LONP2: variants seen among roughly 807,000 people sequenced by gnomAD.
LONP2 encodes the protein lon peptidase 2, peroxisomal.
LONP2 carries 60 observed loss-of-function variants against 85.6 expected under a neutral mutation model. The observed-to-expected ratio is 0.70, with a 90% CI of 0.57 to 0.87. The LOEUF (loss-of-function observed/expected upper bound fraction) is 0.87, where lower values mean the gene tolerates loss of function less well. LONP2 is among the 40% of genes least tolerant of loss of function. The pLI is 0.00. For missense variants in LONP2, 860 were observed against 1,063.5 expected (o/e 0.81, Z 2.66); for synonymous variants, 395 against 389.7 (o/e 1.01, Z -0.16).
intron 14 of LONP2, among the ~76,000 whole-genome samples, chr16:48,350,007 C>T (rs890587501): frequency 6.6e-6 from 1 of 152,154 alleles, no homozygotes; most frequent in Admixed American, 6.5e-5. Flanking sequence ...AATCCCAGCA[C>T]TTTGGGAGGC....
At chr16:48,328,238 C>T (rs577940861) in intron 11 of LONP2, among the ~76,000 whole-genome samples, 2 of 152,208 alleles carry the variant, frequency 1.3e-5, no homozygotes, top group African/African-American at 2.4e-5. Context: ...AGTGAAACCC[C>T]GTCTCTACTA....
rs3138605 is a variant in LONP2, at chr16:48,298,626, GGTGTGTGTGTGTGTGT to G, written c.1535-1007_1535-992del. Among the ~76,000 whole-genome samples the G allele has an allele frequency of 7.4e-3, 996 of 134,394 alleles. 11 individuals carry two copies. Among genetic ancestry groups the G allele is most frequent in the African/African-American group, 0.022 (794 of 36,290 alleles). 88.2% of individuals were successfully genotyped at this position (134,394 alleles called of 152,430 possible). A position where few individuals can be genotyped will look rare whatever the true frequency, so the allele number is the denominator to read the frequency against. On this transcript the variant is annotated intron_variant, in intron 9 of 14. Coordinates refer to ENST00000285737, the MANE Select transcript of LONP2 (RefSeq NM_031490.5). ...TGGAACCCACTGCTTATTTAATTGA[GGTGTGTGTGTGTGTGT>G]GTGTGTGTGTGTGTGTGTGTGTGTG...
At position 48,352,233 on chromosome 16, in the gene LONP2, C is replaced by G. The variant is rs1960173429; in HGVS notation, c.*431C>G. On this transcript the variant is annotated 3_prime_UTR_variant, in exon 15 of 15. Coordinates refer to ENST00000285737, the MANE Select transcript of LONP2 (RefSeq NM_031490.5). ...GCTGCACACTCAAGTTCAGGAACCA[C>G]CGGTATAGACCATTACCTTAGTGGA... is the stretch of plus-strand genomic sequence containing the variant. 1 of 176,996 alleles carries G rather than the reference C, an allele frequency of 5.6e-6. No homozygotes were observed. Among genetic ancestry groups the G allele is most frequent in the Admixed American group, 5.4e-5 (1 of 18,432 alleles). 11.0% of individuals were successfully genotyped at this position (176,996 alleles called of 1,614,324 possible).
Position 48,261,539 on chromosome 16 carries a change from C to T in LONP2, c.839C>T (p.Ser280Phe). The change falls in exon 5 of 15, where the codon TCT becomes TTT. Residue 280 changes from serine to phenylalanine, a missense_variant. Coordinates refer to ENST00000285737, the MANE Select transcript of LONP2 (RefSeq NM_031490.5). ...IVMLEKKIRT[S>F]SMPEQAHKVC... ...ATGCTAGAGAAAAAAATACGAACAT[C>T]TAGTATGCCAGAGCAGGCCCATAAA... The T allele has an allele frequency of 6.2e-7, 1 of 1,605,974 alleles. No individual in the cohort carries two copies. Among genetic ancestry groups the T allele is most frequent in the Non-Finnish European group, 8.5e-7 (1 of 1,176,674 alleles).
chr16:48,356,900 C>A lies in LONP2; in HGVS notation c.*5098C>A, dbSNP rs1419435405. ...CTCATCCTGACATGACAGTGCAAGC[C>A]TGTCAAAATGTGACCCCAAAACCAG... On this transcript the variant is annotated 3_prime_UTR_variant, in exon 15 of 15. Transcript: ENST00000285737. 9.5e-5 allele frequency: 15 copies of A among 157,494 alleles called. 1 individual carries two copies. Among genetic ancestry groups the A allele is most frequent in the Non-Finnish European group, 9.9e-5 (7 of 70,990 alleles). The allele number at this position is 157,494 out of a possible 1,614,324, so 9.8% of individuals were successfully genotyped here.
Position 48,319,342 on chromosome 16 carries a change from A to T in LONP2, c.1796-14874A>T, listed in dbSNP as rs115310086. 3.9e-3 allele frequency among the ~76,000 whole-genome samples: 600 copies of T among 152,104 alleles called. 7 individuals carry two copies. The highest frequency in any genetic ancestry group is 0.01 in the African/African-American group (435 of 41,496). On this transcript the variant is annotated intron_variant, in intron 11 of 14. Transcript: ENST00000285737. ...GTCGCAGTGAGCCAAAAATCAAGCC[A>T]CTGCACTCTAGCCTGGATGACAGAG...
intron 12 of LONP2, 53 bp downstream of exon 12, chr16:48,334,411 A>G (rs1342069655): frequency 3.1e-6 from 5 of 1,610,074 alleles, no homozygotes; most frequent in Non-Finnish European, 4.2e-6. Flanking sequence ...GGAACACTTT[A>G]TTGAGGCCCC....
intron 5 of LONP2, among the ~76,000 whole-genome samples, chr16:48,262,313 C>T (rs1971895148): frequency 6.6e-6 from 1 of 152,172 alleles, no homozygotes; most frequent in Admixed American, 6.5e-5. Context: ...TAGTTAGGCA[C>T]TTACATCTTA....
chr16:48,301,649 A>T (rs1972807915), intron 10 of LONP2, among the ~76,000 whole-genome samples: 1 of 152,030 alleles, frequency 6.6e-6, no homozygotes, highest in African/African-American at 2.4e-5. Context: ...AAAAAAAAAT[A>T]GAGATGGGGT....
intron 12 of LONP2, among the ~76,000 whole-genome samples, chr16:48,341,942 G>T (rs16946113): frequency 6.6e-6 from 1 of 152,146 alleles, no homozygotes; most frequent in African/African-American, 2.4e-5. Flanking sequence ...GTCACTGGCT[G>T]TGCCCTTTCA....
rs113667188 is a variant in LONP2 at position 48,315,398 on chromosome 16, C to T, written c.1795+12093C>T. 6.7e-3 allele frequency among the ~76,000 whole-genome samples: 1,025 copies of T among 152,272 alleles called. 13 individuals are homozygous for T. The highest frequency in any genetic ancestry group is 0.023 in the African/African-American group (975 of 41,554). On this transcript the variant is annotated intron_variant, in intron 11 of 14. Transcript: ENST00000285737. The stretch of plus-strand genomic sequence containing the variant: ...AGCAGAAATGTATTGGTTCACAGTT[C>T]TGGAGGCTGAAGAGTCCAATGTCAA...
At chr16:48,327,790 A>T (rs919082609) in intron 11 of LONP2, among the ~76,000 whole-genome samples, 3 of 152,230 alleles carry the variant, frequency 2.0e-5, no homozygotes, top group African/African-American at 7.2e-5. Flanking sequence ...ATGCTTCAAA[A>T]TAGTTTGTAA....
At chr16:48,293,587 CAGT>C (rs1404032804) in intron 8 of LONP2, among the ~76,000 whole-genome samples, 1 of 151,952 alleles carries the variant, frequency 6.6e-6, no homozygotes, top group African/African-American at 2.4e-5. Flanking sequence ...AATGGGGAAT[CAGT>C]AGAGGGAAAC....
intron 8 of LONP2, among the ~76,000 whole-genome samples, chr16:48,279,569 T>C (rs1326890813): frequency 1.3e-5 from 2 of 152,078 alleles, no homozygotes; most frequent in Non-Finnish European, 2.9e-5. Context: ...GCATAGTATA[T>C]GTTCTTATCA....
rs774353294 is a variant in LONP2 at position 48,355,074 on chromosome 16, C to G, written c.*3272C>G. On this transcript the variant is annotated 3_prime_UTR_variant, in exon 15 of 15. Transcript: ENST00000285737. ...CCACTCATCTGCTGATTGTTTCCCC[C>G]TCTTGGGTATTATGAGTAATGCTAT... 1.3e-5 allele frequency: 2 copies of G among 152,152 alleles called. No homozygotes were observed. The highest frequency in any genetic ancestry group is 2.4e-5 in the African/African-American group (1 of 41,434). 9.4% of individuals were successfully genotyped at this position (152,152 alleles called of 1,614,324 possible). A position where few individuals can be genotyped will look rare whatever the true frequency, so the allele number is the denominator to read the frequency against.
intron 7 of LONP2, among the ~76,000 whole-genome samples, chr16:48,271,701 G>T (rs1972109238): frequency 6.6e-6 from 1 of 152,064 alleles, no homozygotes; most frequent in Admixed American, 6.5e-5. Flanking sequence ...GGGCAACTTG[G>T]TGACACCCCA....
At chr16:48,285,617 C>G (rs758675936) in intron 8 of LONP2, among the ~76,000 whole-genome samples, 17 of 152,028 alleles carry the variant, frequency 1.1e-4, no homozygotes, top group Non-Finnish European at 1.8e-4. Flanking sequence ...CTGAAATTGT[C>G]ATTCAGCCCC....
At position 48,310,725 on chromosome 16, in the gene LONP2, A is replaced by C. The variant is rs2151007277; in HGVS notation, c.1795+7420A>C. Among the ~76,000 whole-genome samples, 3 of 151,474 alleles carry C rather than the reference A, an allele frequency of 2.0e-5. No individual in the cohort carries two copies. The Middle Eastern group carries it at 0.01, about 519-fold the overall frequency. ...TGGAGTTCTGTCATGTTGCCCTTTT[A>C]TTTCTTTCTTTTCCTTATTTGTATA... On this transcript the variant is annotated intron_variant, in intron 11 of 14. Transcript: ENST00000285737.
In LONP2 at chr16:48,246,030, C is replaced by T. The variant is rs559077603; in HGVS notation, c.233+1409C>T. Reference sequence around the variant, plus strand: ...GGAGGGTTGGACATGTCTTATTTTTCCTCAAAATCTTGTGACTATGTACAT... The same window carrying T: ...GGAGGGTTGGACATGTCTTATTTTTTCTCAAAATCTTGTGACTATGTACAT... On this transcript the variant is annotated intron_variant, in intron 1 of 14. Coordinates refer to ENST00000285737, the MANE Select transcript of LONP2 (RefSeq NM_031490.5). Among the ~76,000 whole-genome samples the T allele has an allele frequency of 5.3e-5, 8 of 152,206 alleles. No individual in the cohort carries two copies. The South Asian group carries it at 1.7e-3, about 32-fold the overall frequency.
Sources: gnomAD v4.1 joint callset for allele counts (sites outside exome capture counted in the v4.1 genomes callset) on GRCh38, gnomAD v4.1.1 for gene constraint, MANE v1.5 for transcripts, NCBI Gene and HGNC (gene_info 2026-07-23, HGNC 2026-07-21) for gene names.